The following SPTBN4 variants were observed in gnomAD, a reference collection of about 807,000 sequenced individuals.
SPTBN4 encodes spectrin beta, non-erythrocytic 4, also known as spectrin beta chain, non-erythrocytic 4.
SPTBN4 carries 96 observed loss-of-function variants against 277.8 expected under a neutral mutation model. The ratio of observed to expected loss-of-function variants is 0.35; its 90% confidence interval spans 0.29 to 0.41. The LOEUF (loss-of-function observed/expected upper bound fraction) is 0.41. SPTBN4 is among the 10% of genes least tolerant of loss of function. The pLI is 1.00. For missense variants in SPTBN4, 3,006 were observed against 3,595.7 expected (o/e 0.84, Z 4.19); for synonymous variants, 1,481 against 1,580.3 (o/e 0.94, Z 1.49).
chr19:40,518,237 C>T (rs561083209), intron 15 of SPTBN4, among the ~76,000 whole-genome samples: 34 of 151,950 alleles, frequency 2.2e-4, no homozygotes, highest in Admixed American at 1.2e-3. Context: ...ACCTGGGAGG[C>T]GGAGGTTGCA....
At position 40,513,580 on chromosome 19, in the gene SPTBN4, G is replaced by T. The variant is rs778280286; in HGVS notation, c.2765+26G>T. On this transcript the variant is annotated intron_variant, in intron 14 of 35. Coordinates refer to ENST00000598249, the MANE Select transcript of SPTBN4 (RefSeq NM_020971.3). ...GTGAGCGCGCACATGTGGGACTCCGGGGTCCCCTTCCTCATGCACCCAGTC... is the reference window on the plus strand; with the variant it reads ...GTGAGCGCGCACATGTGGGACTCCGTGGTCCCCTTCCTCATGCACCCAGTC... The T allele has an allele frequency of 6.0e-6, 9 of 1,509,476 alleles. No individual in the cohort carries two copies. The East Asian group carries it at 1.8e-4, about 30-fold the overall frequency. The allele number at this position is 1,509,476 out of a possible 1,614,324, so 93.5% of individuals were successfully genotyped here.
intron 4 of SPTBN4, among the ~76,000 whole-genome samples, chr19:40,492,036 C>A (rs796836304): frequency 1.1e-3 from 148 of 134,958 alleles, no homozygotes; most frequent in African/African-American, 4.5e-3. Flanking sequence ...AAAACAAAAA[C>A]AAAACAAAAA....
chr19:40,569,936 CCA>C (rs60074818), intron 32 of SPTBN4, among the ~76,000 whole-genome samples: 3,892 of 131,472 alleles, frequency 0.03, 71 homozygotes, highest in African/African-American at 0.043. Context: ...TACTGCCCCT[CCA>C]CACACACACA....
At chr19:40,530,508 C>G (rs1286621830) in intron 18 of SPTBN4, 4 of 980,030 alleles carry the variant, frequency 4.1e-6, no homozygotes, top group Non-Finnish European at 4.8e-6. Context: ...CCTTCGCCGC[C>G]GCTGCCGCTG....
Position 40,469,013 on chromosome 19 carries a change from C to T in SPTBN4, c.-16+1708C>T, listed in dbSNP as rs146064072. Among the ~76,000 whole-genome samples, 610 of 151,902 alleles carry T rather than the reference C, an allele frequency of 4.0e-3. 4 individuals carry two copies. The highest frequency in any genetic ancestry group is 6.3e-3 in the Non-Finnish European group (428 of 67,988). Reference sequence around the variant, plus strand: ...ACTCAGGAGGCTGAGGTGGGAGGATCGCGTGAGCACAAGAGTTGGAGGCTA... The same window carrying T: ...ACTCAGGAGGCTGAGGTGGGAGGATTGCGTGAGCACAAGAGTTGGAGGCTA... On this transcript the variant is annotated intron_variant, in intron 1 of 35. Coordinates refer to ENST00000598249, the MANE Select transcript of SPTBN4 (RefSeq NM_020971.3).
At chr19:40,545,232 A>C (rs2080846151) in intron 20 of SPTBN4, among the ~76,000 whole-genome samples, 1 of 151,878 alleles carries the variant, frequency 6.6e-6, no homozygotes, top group Non-Finnish European at 1.5e-5. Flanking sequence ...AGTAGCTGGG[A>C]TTACAGGCGT....
intron 2 of SPTBN4, among the ~76,000 whole-genome samples, chr19:40,485,193 A>G (rs2080058048): frequency 6.6e-6 from 1 of 152,038 alleles, no homozygotes; most frequent in Admixed American, 6.6e-5. Flanking sequence ...TTTGTAGCCC[A>G]AGCTGGAGTG....
rs1166054943 is a variant in SPTBN4 at position 40,474,432 on chromosome 19, A to AT, written c.169+1658dup. Among the ~76,000 whole-genome samples the AT allele has an allele frequency of 4.3e-3, 570 of 132,676 alleles. 3 individuals are homozygous for AT. Among genetic ancestry groups the AT allele is most frequent in the South Asian group, 0.013 (53 of 4,012 alleles). 87.0% of individuals were successfully genotyped at this position (132,676 alleles called of 152,430 possible). On this transcript the variant is annotated intron_variant, in intron 2 of 35. Coordinates refer to ENST00000598249, the MANE Select transcript of SPTBN4 (RefSeq NM_020971.3). ...AACCAGTACAGTGGGTCACCCTACC[A>AT]TTTTTTTTTTTTTTTTGAGTCAGGG...
chr19:40,520,997 T>C (rs1056225521), intron 16 of SPTBN4, among the ~76,000 whole-genome samples: 2 of 152,046 alleles, frequency 1.3e-5, no homozygotes, highest in Non-Finnish European at 2.9e-5. Flanking sequence ...TGATCTCAGC[T>C]CACTGAAACC....
rs771579670 is a variant in SPTBN4, at chr19:40,575,615, G to C, written c.*46G>C. ...ACACATCTCGTCTCCCCTCTTTTCCGCACTGTGGGCACAAAGACACTTTTT... is the reference window on the plus strand; with the variant it reads ...ACACATCTCGTCTCCCCTCTTTTCCCCACTGTGGGCACAAAGACACTTTTT... On this transcript the variant is annotated 3_prime_UTR_variant, in exon 36 of 36. Transcript: ENST00000598249. 9.6e-6 allele frequency: 15 copies of C among 1,556,890 alleles called. No individual in the cohort carries two copies. In the South Asian group the frequency reaches 1.6e-4, roughly 17 times the overall value.
chr19:40,560,086 G>A lies in SPTBN4; in HGVS notation c.5671-73G>A. The A allele has an allele frequency of 2.0e-6, 3 of 1,493,320 alleles. No homozygotes were observed. In the East Asian group the frequency reaches 7.0e-5, roughly 35 times the overall value. The allele number at this position is 1,493,320 out of a possible 1,614,324, so 92.5% of individuals were successfully genotyped here. ...CCTTATATCTTGAGGTTCTGCGCTG[G>A]AGCAGATGGTGGGAGGGAGGGCACA... On this transcript the variant is annotated intron_variant, in intron 26 of 35. Transcript: ENST00000598249. This position sits in a 1 kb window ranked among gnomAD's most constrained non-coding sequence, Gnocchi z 5.2.
chr19:40,550,373 T>C, intron 22 of SPTBN4, 46 bp downstream of exon 22: 1 of 1,576,726 alleles, frequency 6.3e-7, no homozygotes, highest in Non-Finnish European at 8.6e-7. Context: ...TTTGGATACA[T>C]GTGATAGAAA....
intron 33 of SPTBN4, 178 bp from the exon 34 acceptor site, chr19:40,571,841 T>A: frequency 1.8e-6 from 1 of 569,766 alleles, no homozygotes; most frequent in Non-Finnish European, 2.9e-6. Context: ...ACTTAAATGC[T>A]CCCCTCAGGG....
chr19:40,472,715 T>C lies in SPTBN4; in HGVS notation c.94T>C (p.Trp32Arg), dbSNP rs1367287217. The change falls in exon 2 of 36, where the codon TGG becomes CGG. Residue 32 changes from tryptophan to arginine, a missense_variant. By Grantham distance (101) the Trp-to-Arg change is moderately radical. This residue lies in a region of SPTBN4 where 78 missense variants were observed against 65.7 expected (regional missense o/e 1.19). Transcript: ENST00000598249. ...AARWESPDRG[W>R]EREQPAASTA... ...CCGCTGGGAGAGTCCGGATCGGGGC[T>C]GGGAGCGGGAGCAGCCGGCTGCGTC... 1 of 1,611,500 alleles carries C rather than the reference T, an allele frequency of 6.2e-7. No homozygotes were observed. Among genetic ancestry groups the C allele is most frequent in the Non-Finnish European group, 8.5e-7 (1 of 1,179,096 alleles).
chr19:40,505,745 A>AGGAG (rs1291822977), intron 12 of SPTBN4, among the ~76,000 whole-genome samples: 6 of 151,400 alleles, frequency 4.0e-5, no homozygotes, highest in Non-Finnish European at 5.9e-5. Flanking sequence ...GAAGGAAGGA[A>AGGAG]GGAAGGAAGA....
chr19:40,498,228 C>T (rs1177819192), intron 7 of SPTBN4, among the ~76,000 whole-genome samples: 2 of 152,052 alleles, frequency 1.3e-5, no homozygotes, highest in African/African-American at 4.8e-5. Context: ...CCCTGACACC[C>T]ATCTCCCATC....
chr19:40,514,326 C>T (rs2080429325), intron 14 of SPTBN4, among the ~76,000 whole-genome samples: 1 of 152,198 alleles, frequency 6.6e-6, no homozygotes, highest in Non-Finnish European at 1.5e-5. Flanking sequence ...ATGGGAGGAC[C>T]ATGTCTAGCT....
At chr19:40,471,470 T>G (rs1482223875) in intron 1 of SPTBN4, among the ~76,000 whole-genome samples, 1 of 152,254 alleles carries the variant, frequency 6.6e-6, no homozygotes, top group African/African-American at 2.4e-5. Flanking sequence ...TACAGAACTC[T>G]ATTGTTCTAA....
intron 7 of SPTBN4, among the ~76,000 whole-genome samples, chr19:40,501,357 G>A (rs1244937445): frequency 6.6e-6 from 1 of 152,114 alleles, no homozygotes; most frequent in East Asian, 1.9e-4. Context: ...GAGGTGGAAG[G>A]TAGAAAGGTG....
Sources: gnomAD v4.1 joint callset for allele counts (sites outside exome capture counted in the v4.1 genomes callset) on GRCh38, gnomAD v4.1.1 for gene constraint, gnomAD v4.1.1 regional missense constraint, Gnocchi (gnomAD v3.1) non-coding constraint, MANE v1.5 for transcripts, NCBI Gene and HGNC (gene_info 2026-07-23, HGNC 2026-07-21) for gene names.